RAB3C: variants seen among roughly 807,000 people sequenced by gnomAD.
RAB3C encodes the protein ras-related protein Rab-3C.
Under a neutral mutation model 26.4 loss-of-function variants are expected in RAB3C, and 17 were observed. That is an observed-to-expected ratio of 0.64 (90% CI 0.44 to 0.97). RAB3C has a LOEUF of 0.97. RAB3C is among the 50% of genes least tolerant of loss of function. The pLI, the probability that RAB3C is intolerant of heterozygous loss-of-function variation, is 0.00. For synonymous variants in RAB3C, 91 were observed against 95.9 expected (o/e 0.95, Z 0.30); for missense variants, 242 against 281.9 (o/e 0.86, Z 1.01).
chr5:58,697,315 C>T (rs180733546), intron 2 of RAB3C, among the ~76,000 whole-genome samples: 91 of 152,264 alleles, frequency 6.0e-4, no homozygotes, highest in African/African-American at 2.1e-3. Flanking sequence ...CAGTCTTTTA[C>T]AATTGCTGAG....
intron 1 of RAB3C, among the ~76,000 whole-genome samples, chr5:58,600,116 T>G (rs541397927): frequency 1.3e-5 from 2 of 152,042 alleles, no homozygotes; most frequent in East Asian, 3.9e-4. Flanking sequence ...GGACTTTATG[T>G]TTTTGTTTGC....
chr5:58,773,544 T>C (rs1742067098), intron 3 of RAB3C, among the ~76,000 whole-genome samples: 1 of 152,082 alleles, frequency 6.6e-6, no homozygotes, highest in Non-Finnish European at 1.5e-5. Flanking sequence ...CTTGAATAAT[T>C]TGTGAGGAGT....
intron 2 of RAB3C, among the ~76,000 whole-genome samples, chr5:58,673,496 T>C (rs1748165265): frequency 6.7e-6 from 1 of 148,448 alleles, no homozygotes; most frequent in African/African-American, 2.5e-5. Flanking sequence ...ACATACAATT[T>C]TCAATCCTCA....
At chr5:58,616,797 C>G (rs994084261) in intron 1 of RAB3C, among the ~76,000 whole-genome samples, 5 of 152,114 alleles carry the variant, frequency 3.3e-5, no homozygotes, top group Non-Finnish European at 7.4e-5. Flanking sequence ...GTCAGGCTCT[C>G]CTTTGATGCA....
At chr5:58,791,944 AT>A (rs1742532707) in intron 3 of RAB3C, among the ~76,000 whole-genome samples, 1 of 152,224 alleles carries the variant, frequency 6.6e-6, no homozygotes, top group Non-Finnish European at 1.5e-5. Flanking sequence ...TGGTTTACTT[AT>A]TTCTAAAATG....
intron 2 of RAB3C, among the ~76,000 whole-genome samples, chr5:58,715,155 A>C (rs1017885206): frequency 6.6e-6 from 1 of 151,874 alleles, no homozygotes; most frequent in Admixed American, 6.6e-5. Context: ...ATACTATATG[A>C]TCTATTAAAT....
At chr5:58,841,601 G>C (rs570237937) in intron 4 of RAB3C, among the ~76,000 whole-genome samples, 1 of 152,162 alleles carries the variant, frequency 6.6e-6, no homozygotes, top group South Asian at 2.1e-4. Context: ...ACAGCTGCAT[G>C]AATTCCTAGC....
intron 1 of RAB3C, 119 bp downstream of exon 1, chr5:58,583,351 G>C: frequency 1.3e-6 from 2 of 1,557,746 alleles, no homozygotes; most frequent in Non-Finnish European, 1.7e-6. Context: ...CGGAGATGCG[G>C]CTCTGTGACA....
intron 3 of RAB3C, among the ~76,000 whole-genome samples, chr5:58,791,372 A>G (rs546064628): frequency 6.0e-4 from 92 of 152,290 alleles, no homozygotes; most frequent in Admixed American, 1.6e-3. Flanking sequence ...AATACACAGG[A>G]GAAATGTGGG....
intron 3 of RAB3C, among the ~76,000 whole-genome samples, chr5:58,768,527 A>G (rs1477949506): frequency 6.6e-6 from 1 of 152,148 alleles, no homozygotes; most frequent in Non-Finnish European, 1.5e-5. Context: ...TTTGAAGAAA[A>G]TAAGGCTGAA....
chr5:58,632,588 T>C (rs1747205943), intron 2 of RAB3C, among the ~76,000 whole-genome samples: 1 of 152,210 alleles, frequency 6.6e-6, no homozygotes, highest in East Asian at 1.9e-4. Flanking sequence ...TTCTCAGACC[T>C]CCTTCTGTTT....
chr5:58,828,469 C>T lies in RAB3C; in HGVS notation c.496+3307C>T, dbSNP rs1418155492. 3.3e-5 allele frequency among the ~76,000 whole-genome samples: 5 copies of T among 152,124 alleles called. No homozygotes were observed. The South Asian group carries it at 1.0e-3, about 32-fold the overall frequency. ...GCACTCTGGCTTTCTATCCTCAGTC[C>T]ACCACTCCTCTCTCTCTACACCCTC... On this transcript the variant is annotated intron_variant, in intron 4 of 4. Coordinates refer to ENST00000282878, the MANE Select transcript of RAB3C (RefSeq NM_138453.4).
chr5:58,639,560 A>G (rs1747368074), intron 2 of RAB3C, among the ~76,000 whole-genome samples: 1 of 152,092 alleles, frequency 6.6e-6, no homozygotes, highest in East Asian at 1.9e-4. Flanking sequence ...TTTAAGGACA[A>G]TAATCTCATC....
intron 4 of RAB3C, among the ~76,000 whole-genome samples, chr5:58,836,409 A>T (rs1008440651): frequency 2.0e-5 from 3 of 152,146 alleles, no homozygotes; most frequent in African/African-American, 7.2e-5. Context: ...CCTTCTCGCT[A>T]TTTGAAACTA....
intron 3 of RAB3C, among the ~76,000 whole-genome samples, chr5:58,753,819 C>T (rs1741586640): frequency 6.6e-6 from 1 of 152,176 alleles, no homozygotes; most frequent in African/African-American, 2.4e-5. Flanking sequence ...GCAGACGGGA[C>T]AGTTGTATAC....
At chr5:58,647,498 C>T (rs940555167) in intron 2 of RAB3C, 5 of 152,164 alleles carry the variant, frequency 3.3e-5, no homozygotes, top group African/African-American at 1.2e-4. Context: ...CTGGGCCCCC[C>T]TCGACACGTG....
chr5:58,612,680 C>A (rs924920794), intron 1 of RAB3C, among the ~76,000 whole-genome samples: 9 of 151,272 alleles, frequency 5.9e-5, no homozygotes, highest in African/African-American at 2.2e-4. Flanking sequence ...TTTTGTATCA[C>A]GAGACTTTGC....
chr5:58,777,919 T>C (rs551082020), intron 3 of RAB3C, among the ~76,000 whole-genome samples: 3 of 152,214 alleles, frequency 2.0e-5, no homozygotes, highest in Admixed American at 6.5e-5. Context: ...GCAAAGGACA[T>C]GAACTCATCC....
intron 2 of RAB3C, among the ~76,000 whole-genome samples, chr5:58,690,138 T>C (rs927668412): frequency 3.3e-5 from 5 of 152,174 alleles, no homozygotes; most frequent in African/African-American, 1.2e-4. Context: ...GGAAAAGCTA[T>C]ATAGACCTGA....
Sources: gnomAD v4.1 joint callset for allele counts (sites outside exome capture counted in the v4.1 genomes callset) on GRCh38, gnomAD v4.1.1 for gene constraint, MANE v1.5 for transcripts, NCBI Gene and HGNC (gene_info 2026-07-23, HGNC 2026-07-21) for gene names.